PLEKHH2: variants seen among roughly 807,000 people sequenced by gnomAD.
The protein encoded by PLEKHH2 is pleckstrin homology, MyTH4 and FERM domain containing H2.
In PLEKHH2, 129 loss-of-function variants were observed where a neutral mutation model predicts 187.9. The observed-to-expected ratio is 0.69, with a 90% confidence interval of 0.59 to 0.79. The LOEUF (loss-of-function observed/expected upper bound fraction) is 0.79. PLEKHH2 is among the 30% of genes least tolerant of loss of function. The pLI is 0.00. For missense variants in PLEKHH2, 2,076 were observed against 1,751.2 expected, an observed-to-expected ratio of 1.19 and a Z score of -3.31; for synonymous variants, 686 against 605.6, an observed-to-expected ratio of 1.13 and a Z score of -1.95.
At chr2:43,695,451 A>C (rs1381399589) in intron 6 of PLEKHH2, among the ~76,000 whole-genome samples, 1 of 152,240 alleles carries the variant, frequency 6.6e-6, no homozygotes, top group Non-Finnish European at 1.5e-5. Context: ...CAAAGTGGTC[A>C]CTACGTAGAT....
intron 25 of PLEKHH2, among the ~76,000 whole-genome samples, chr2:43,754,165 TACAC>T (rs373399236): frequency 0.017 from 2,064 of 118,022 alleles, 24 homozygotes; most frequent in East Asian, 0.039. Flanking sequence ...TTCAATCTTC[TACAC>T]ACACACACAC....
chr2:43,650,102 C>T (rs1483443685), intron 2 of PLEKHH2, among the ~76,000 whole-genome samples: 1 of 149,876 alleles, frequency 6.7e-6, no homozygotes, highest in Non-Finnish European at 1.5e-5. Context: ...TGTCTAAAGC[C>T]TGATATGGGA....
chr2:43,704,941 T>A (rs1316188454), intron 9 of PLEKHH2, among the ~76,000 whole-genome samples: 1 of 152,150 alleles, frequency 6.6e-6, no homozygotes, highest in East Asian at 1.9e-4. Flanking sequence ...AGAGACTAAA[T>A]CAGAGAAACT....
chr2:43,747,340 C>G (rs1671826350), intron 24 of PLEKHH2, among the ~76,000 whole-genome samples: 1 of 152,012 alleles, frequency 6.6e-6, no homozygotes, highest in Non-Finnish European at 1.5e-5. Context: ...TGTGAGGGCA[C>G]ACAACAGTGA....
intron 3 of PLEKHH2, among the ~76,000 whole-genome samples, chr2:43,688,905 G>A (rs1366526253): frequency 1.3e-5 from 2 of 152,036 alleles, no homozygotes; most frequent in African/African-American, 4.8e-5. Flanking sequence ...TTTATTAGAG[G>A]TCAGTCATGT....
intron 3 of PLEKHH2, among the ~76,000 whole-genome samples, 159 bp downstream of exon 3, chr2:43,679,084 T>C (rs985019403): frequency 2.0e-5 from 3 of 152,144 alleles, no homozygotes; most frequent in South Asian, 2.1e-4. Flanking sequence ...CTAACTCTAT[T>C]TTGTCCATTA....
chr2:43,640,636 T>G (rs1363000605), intron 1 of PLEKHH2, among the ~76,000 whole-genome samples: 2 of 152,224 alleles, frequency 1.3e-5, no homozygotes, highest in Non-Finnish European at 2.9e-5. Context: ...TAGAACATCC[T>G]ATTTGATGTG....
Position 43,765,547 on chromosome 2 carries a change from C to T in PLEKHH2, c.4431C>T (p.Ser1477=). The change falls in exon 30 of 30, where the codon AGC becomes AGT. Residue 1477 remains serine (S), a synonymous_variant. Coordinates refer to ENST00000282406, the MANE Select transcript of PLEKHH2 (RefSeq NM_172069.4). ...TRGPQARMMG[S]QPLLSSSRPT... ...GACCCCAAGCCAGAATGATGGGAAG[C>T]CAGCCTCTTCTGTCAAGCAGCAGAC... The T allele has an allele frequency of 1.2e-6, 2 of 1,613,790 alleles. No homozygotes were observed. Among genetic ancestry groups the T allele is most frequent in the Non-Finnish European group, 1.7e-6 (2 of 1,180,006 alleles).
intron 3 of PLEKHH2, among the ~76,000 whole-genome samples, chr2:43,691,371 G>T (rs1668783335): frequency 6.6e-6 from 1 of 152,212 alleles, no homozygotes; most frequent in African/African-American, 2.4e-5. Flanking sequence ...GCTCAGAATA[G>T]GGAGTGCGTG....
At chr2:43,641,045 G>A (rs112116819) in intron 1 of PLEKHH2, among the ~76,000 whole-genome samples, 84 of 150,478 alleles carry the variant, frequency 5.6e-4, no homozygotes, top group African/African-American at 1.7e-3. Context: ...TAACCGCCTC[G>A]GCCTCCCAGA....
chr2:43,706,651 C>T (rs2104506229), intron 10 of PLEKHH2, among the ~76,000 whole-genome samples: 1 of 152,214 alleles, frequency 6.6e-6, no homozygotes, highest in South Asian at 2.1e-4. Context: ...CCATGTGATT[C>T]CCCCACCTCC....
At chr2:43,712,078 T>C (rs925432666) in intron 14 of PLEKHH2, 147 bp from the exon 15 acceptor site, 3 of 1,303,774 alleles carry the variant, frequency 2.3e-6, no homozygotes, top group Non-Finnish European at 3.1e-6. Flanking sequence ...CTAACTGATA[T>C]GGAGTCATTT....
At chr2:43,752,960 C>T (rs1207656399) in intron 24 of PLEKHH2, among the ~76,000 whole-genome samples, 1 of 152,150 alleles carries the variant, frequency 6.6e-6, no homozygotes, top group Non-Finnish European at 1.5e-5. Flanking sequence ...TAAATATTAT[C>T]TTTCAGATTC....
At chr2:43,676,940 C>T (rs1448744794) in intron 2 of PLEKHH2, among the ~76,000 whole-genome samples, 1 of 152,150 alleles carries the variant, frequency 6.6e-6, no homozygotes, top group African/African-American at 2.4e-5. Flanking sequence ...TCAAATAGGA[C>T]ATTTGAAGCC....
chr2:43,744,583 T>C (rs1454310737), intron 23 of PLEKHH2, among the ~76,000 whole-genome samples: 3 of 152,124 alleles, frequency 2.0e-5, no homozygotes, highest in African/African-American at 7.2e-5. Context: ...GAAACAGACC[T>C]GTGTCCGGGT....
At chr2:43,719,723 C>G (rs1670389056) in intron 15 of PLEKHH2, among the ~76,000 whole-genome samples, 1 of 152,206 alleles carries the variant, frequency 6.6e-6, no homozygotes, top group Admixed American at 6.5e-5. Flanking sequence ...CAGGCGTGAG[C>G]CACCGCGCAC....
intron 16 of PLEKHH2, among the ~76,000 whole-genome samples, chr2:43,724,730 A>G (rs1670655147): frequency 6.6e-6 from 1 of 152,186 alleles, no homozygotes; most frequent in Non-Finnish European, 1.5e-5. Context: ...TTTCTTTTCA[A>G]TAAGCAGTTT....
chr2:43,657,458 G>A (rs1387218141), intron 2 of PLEKHH2, among the ~76,000 whole-genome samples: 2 of 152,172 alleles, frequency 1.3e-5, no homozygotes, highest in African/African-American at 4.8e-5. Flanking sequence ...GTGATTCAGG[G>A]CTCCAAGAAA....
intron 2 of PLEKHH2, among the ~76,000 whole-genome samples, chr2:43,656,183 C>T (rs886556120): frequency 6.6e-6 from 1 of 152,152 alleles, no homozygotes; most frequent in Admixed American, 6.5e-5. Flanking sequence ...TCTCGAACTC[C>T]TGACCTCAAG....
Sources: gnomAD v4.1 joint callset for allele counts (sites outside exome capture counted in the v4.1 genomes callset) on GRCh38, gnomAD v4.1.1 for gene constraint, MANE v1.5 for transcripts, NCBI Gene and HGNC (gene_info 2026-07-23, HGNC 2026-07-21) for gene names.